Variants in KIF16B observed in about 807,000 individuals in gnomAD.
The protein encoded by KIF16B is kinesin-like protein KIF16B.
Under a neutral mutation model 156.3 loss-of-function variants are expected in KIF16B, and 98 were observed. The ratio of observed to expected loss-of-function variants is 0.63; its 90% CI spans 0.53 to 0.74. The LOEUF (loss-of-function observed/expected upper bound fraction) is 0.74. Ranked by LOEUF, KIF16B falls within the 30% of genes least tolerant of loss-of-function variation. The probability of loss-of-function intolerance (pLI) is 0.00; values close to 1 mark genes in which losing one functional copy is unlikely to be tolerated. For missense variants in KIF16B, 1,421 were observed against 1,606.5 expected (o/e 0.88, Z 1.97); for synonymous variants, 564 against 583.7 (o/e 0.97, Z 0.49).
At chr20:16,453,985 C>T (rs1361504648) in intron 12 of KIF16B, among the ~76,000 whole-genome samples, 1 of 152,150 alleles carries the variant, frequency 6.6e-6, no homozygotes, top group Admixed American at 6.5e-5. Context: ...TGCACACACG[C>T]ATTATTCTCA....
At position 16,406,402 on chromosome 20, in the gene KIF16B, T is replaced by C; in HGVS notation, c.1667A>G (p.Glu556Gly). 1 of 1,613,578 alleles carries C rather than the reference T, an allele frequency of 6.2e-7. No homozygotes were observed. Among genetic ancestry groups the C allele is most frequent in the Non-Finnish European group, 8.5e-7 (1 of 1,179,648 alleles). ...TNMFRFNHPK[E>G]AAKLREKRKS... ...CCTCTTCTCCCTGAGCTTGGCGGCTTCCTTTGGATGGTTAAAGCGAAACAT... is the reference window on the plus strand; with the variant it reads ...CCTCTTCTCCCTGAGCTTGGCGGCTCCCTTTGGATGGTTAAAGCGAAACAT... The change falls in exon 16 of 26, where the codon GAA becomes GGA. Residue 556 changes from glutamate (E) to glycine (G), a missense_variant. Physicochemically the swap from Glu to Gly is moderately conservative, Grantham distance 98. Transcript: ENST00000354981.
At chr20:16,340,957 C>T (rs1251630836) in intron 23 of KIF16B, among the ~76,000 whole-genome samples, 1 of 152,044 alleles carries the variant, frequency 6.6e-6, no homozygotes, top group Non-Finnish European at 1.5e-5. Context: ...AAGATAAAAT[C>T]CCCGTCTAAG....
At chr20:16,570,543 T>G (rs2071415653) in intron 1 of KIF16B, among the ~76,000 whole-genome samples, 1 of 152,202 alleles carries the variant, frequency 6.6e-6, no homozygotes, top group Admixed American at 6.5e-5. Context: ...ACTATTATAG[T>G]ATGCATGTCT....
intron 1 of KIF16B, among the ~76,000 whole-genome samples, chr20:16,546,673 T>C (rs1456128438): frequency 6.6e-6 from 1 of 152,250 alleles, no homozygotes; most frequent in Non-Finnish European, 1.5e-5. Context: ...AAAAGCTTTG[T>C]TCATGAAATG....
At chr20:16,560,867 T>G (rs2071031956) in intron 1 of KIF16B, among the ~76,000 whole-genome samples, 1 of 152,184 alleles carries the variant, frequency 6.6e-6, no homozygotes, top group Non-Finnish European at 1.5e-5. Context: ...GTCTCAGTGT[T>G]GTCTCGAGTA....
intron 25 of KIF16B, among the ~76,000 whole-genome samples, chr20:16,282,253 G>A (rs759796125): frequency 3.3e-5 from 5 of 151,480 alleles, no homozygotes; most frequent in Admixed American, 3.3e-4. Flanking sequence ...GGCTGGCCTC[G>A]AACCCCTGAC....
At chr20:16,315,765 A>G (rs1246280707) in intron 24 of KIF16B, among the ~76,000 whole-genome samples, 1 of 152,198 alleles carries the variant, frequency 6.6e-6, no homozygotes, top group Non-Finnish European at 1.5e-5. Flanking sequence ...AGTAAAAACT[A>G]AGAATAATGG....
intron 25 of KIF16B, among the ~76,000 whole-genome samples, chr20:16,302,767 T>C (rs1408964143): frequency 6.6e-6 from 1 of 152,242 alleles, no homozygotes; most frequent in African/African-American, 2.4e-5. Flanking sequence ...GATGCTAAAG[T>C]AAATGGTATT....
intron 16 of KIF16B, 119 bp from the exon 17 acceptor site, chr20:16,405,020 C>T: frequency 1.4e-6 from 1 of 690,300 alleles, no homozygotes; most frequent in South Asian, 1.6e-5. Flanking sequence ...AATTAACACG[C>T]ACCACAATTA....
At chr20:16,394,730 A>G (rs945791419) in intron 17 of KIF16B, among the ~76,000 whole-genome samples, 1 of 151,508 alleles carries the variant, frequency 6.6e-6, no homozygotes, top group African/African-American at 2.4e-5. Context: ...GTGAGCAAGA[A>G]AAAAAAAAGG....
At chr20:16,423,730 C>T (rs2066282024) in intron 15 of KIF16B, among the ~76,000 whole-genome samples, 1 of 152,120 alleles carries the variant, frequency 6.6e-6, no homozygotes, top group Non-Finnish European at 1.5e-5. Flanking sequence ...TCTGTACCAG[C>T]CTGTACCAGC....
rs1053745288 is a variant in KIF16B, at chr20:16,434,007, T to C, written c.1303-4025A>G. Among the ~76,000 whole-genome samples, 51 of 152,258 alleles carry C rather than the reference T, an allele frequency of 3.3e-4. 1 individual carries two copies. The highest frequency in any genetic ancestry group is 5.0e-4 in the Non-Finnish European group (34 of 68,030). On this transcript the variant is annotated intron_variant, in intron 12 of 25. Transcript: ENST00000354981. Reference sequence around the variant, plus strand: ...CAAAGAAATCAATGTAAAATATGTATACTTGCATATATTTTACATTGAAAC... The same window carrying C: ...CAAAGAAATCAATGTAAAATATGTACACTTGCATATATTTTACATTGAAAC...
intron 12 of KIF16B, among the ~76,000 whole-genome samples, chr20:16,480,562 A>G (rs370410183): frequency 6.6e-6 from 1 of 152,254 alleles, no homozygotes; most frequent in African/African-American, 2.4e-5. Flanking sequence ...ACTCAGAATG[A>G]GTAGGAACTC....
At chr20:16,449,507 T>C (rs1249650134) in intron 12 of KIF16B, among the ~76,000 whole-genome samples, 1 of 152,172 alleles carries the variant, frequency 6.6e-6, no homozygotes, top group South Asian at 2.1e-4. Context: ...CAAAAGAAGG[T>C]CCACAAACTT....
intron 25 of KIF16B, among the ~76,000 whole-genome samples, chr20:16,298,964 A>G (rs2063431976): frequency 6.6e-6 from 1 of 152,192 alleles, no homozygotes; most frequent in Non-Finnish European, 1.5e-5. Flanking sequence ...AAGACGTATC[A>G]ACCAATGCTA....
At chr20:16,455,216 T>C (rs1481399695) in intron 12 of KIF16B, among the ~76,000 whole-genome samples, 1 of 152,258 alleles carries the variant, frequency 6.6e-6, no homozygotes, top group East Asian at 1.9e-4. Flanking sequence ...AATATATTTA[T>C]AACAAAAACA....
At chr20:16,523,311 A>C (rs1420394718) in intron 3 of KIF16B, among the ~76,000 whole-genome samples, 1 of 152,210 alleles carries the variant, frequency 6.6e-6, no homozygotes, top group African/African-American at 2.4e-5. Flanking sequence ...AAATCTCCTT[A>C]AGCTGATAAG....
At chr20:16,443,350 A>G (rs2066852863) in intron 12 of KIF16B, among the ~76,000 whole-genome samples, 1 of 152,178 alleles carries the variant, frequency 6.6e-6, no homozygotes, top group East Asian at 1.9e-4. Context: ...AAACTTGGTG[A>G]AAAGGAGGGA....
chr20:16,379,139 G>T lies in KIF16B; in HGVS notation c.2863C>A (p.Gln955Lys). 1 of 1,614,174 alleles carries T rather than the reference G, an allele frequency of 6.2e-7. No homozygotes were observed. The highest frequency in any genetic ancestry group is 8.5e-7 in the Non-Finnish European group (1 of 1,180,030). ...GCATTGGCCTGGTACTGTGCAAGCT[G>T]TTCTTCTTTTTCTTCCATTTCCTTT... is the stretch of plus-strand genomic sequence containing the variant. ...VEKEMEEKEE[Q>K]LAQYQANANQ... The change falls in exon 19 of 26, where the codon CAG becomes AAG. Residue 955 changes from glutamine (Q) to lysine (K), a missense_variant. Gln to Lys is a moderately conservative substitution (Grantham distance 53). Transcript: ENST00000354981.
Sources: gnomAD v4.1 joint callset for allele counts (sites outside exome capture counted in the v4.1 genomes callset) on GRCh38, gnomAD v4.1.1 for gene constraint, MANE v1.5 for transcripts, NCBI Gene and HGNC (gene_info 2026-07-23, HGNC 2026-07-21) for gene names.